INSC: variants seen among roughly 807,000 people sequenced by gnomAD.
INSC encodes the protein protein inscuteable homolog.
Under a neutral mutation model 58.6 loss-of-function variants are expected in INSC, and 67 were observed. The observed-to-expected ratio is 1.14, with a 90% CI of 0.94 to 1.40. The LOEUF (loss-of-function observed/expected upper bound fraction) is 1.40, where lower values mean the gene tolerates loss of function less well. Among genes scored for constraint, INSC ranks in the 40% most tolerant of loss-of-function variants. The pLI, the probability that INSC is intolerant of heterozygous loss-of-function variation, is 0.00. For missense variants in INSC, 714 were observed against 692.0 expected (o/e 1.03, Z -0.36); for synonymous variants, 262 against 276.1 (o/e 0.95, Z 0.51).
At chr11:15,179,810 C>T (rs1849698540) in intron 5 of INSC, among the ~76,000 whole-genome samples, 1 of 152,146 alleles carries the variant, frequency 6.6e-6, no homozygotes, top group African/African-American at 2.4e-5. Context: ...CCAAAATGGA[C>T]AAAAAAGTCG....
intron 5 of INSC, among the ~76,000 whole-genome samples, chr11:15,185,392 A>G (rs1849928464): frequency 6.6e-6 from 1 of 152,160 alleles, no homozygotes; most frequent in African/African-American, 2.4e-5. Context: ...AAAAAGCCTC[A>G]TTCATCTCAT....
At chr11:15,233,701 C>T (rs931568863) in intron 9 of INSC, among the ~76,000 whole-genome samples, 3 of 151,910 alleles carry the variant, frequency 2.0e-5, no homozygotes, top group Non-Finnish European at 4.4e-5. Flanking sequence ...TTTGTCCTTC[C>T]TTCCTTCCTT....
At chr11:15,241,488 T>C in intron 12 of INSC, 1 of 684,348 alleles carries the variant, frequency 1.5e-6, no homozygotes, top group African/African-American at 1.8e-5. Flanking sequence ...CTGTGTGACA[T>C]TTGATAAGTC....
intron 9 of INSC, among the ~76,000 whole-genome samples, chr11:15,232,173 A>G (rs768570792): frequency 1.3e-5 from 2 of 152,172 alleles, no homozygotes; most frequent in Non-Finnish European, 2.9e-5. Flanking sequence ...TCTGATGGGA[A>G]GGGTTGACTT....
intron 12 of INSC, chr11:15,241,571 TGG>T: frequency 1.4e-6 from 1 of 703,000 alleles, no homozygotes. Context: ...TTCTAGGCTA[TGG>T]GGATACAGCT....
At chr11:15,128,782 C>T (rs1297604508) in intron 1 of INSC, among the ~76,000 whole-genome samples, 1 of 152,186 alleles carries the variant, frequency 6.6e-6, no homozygotes, top group Non-Finnish European at 1.5e-5. Context: ...GCCCCTGCGC[C>T]CAGCTATGCA....
At chr11:15,264,813 G>A in the INSC span, among the ~76,000 whole-genome samples, 4 of 152,164 alleles carry the variant, frequency 2.6e-5, no homozygotes, top group African/African-American at 9.6e-5. Flanking sequence ...CTTTTGCCGT[G>A]TAATGTAACC....
At chr11:15,148,271 T>C (rs1454607438) in intron 1 of INSC, among the ~76,000 whole-genome samples, 1 of 152,184 alleles carries the variant, frequency 6.6e-6, no homozygotes, top group African/African-American at 2.4e-5. Context: ...TTTTCTTAGA[T>C]AATAGGAAGC....
At chr11:15,222,577 G>A (rs1027179973) in intron 8 of INSC, among the ~76,000 whole-genome samples, 1 of 152,090 alleles carries the variant, frequency 6.6e-6, no homozygotes, top group Non-Finnish European at 1.5e-5. Flanking sequence ...CCGGTACTGT[G>A]TGAGATCCCG....
chr11:15,255,016 T>A, the INSC span, among the ~76,000 whole-genome samples: 12 of 152,224 alleles, frequency 7.9e-5, no homozygotes, highest in African/African-American at 2.9e-4. Flanking sequence ...CAATTCCTGC[T>A]AAGTAGTTAT....
chr11:15,213,443 T>G (rs142041464), intron 7 of INSC, among the ~76,000 whole-genome samples: 1,609 of 152,258 alleles, frequency 0.011, 95 homozygotes, highest in Non-Finnish European at 2.6e-3. Context: ...ACAATTCAGA[T>G]CCCAGCTGTG....
chr11:15,215,205 G>T (rs995331400), intron 7 of INSC, among the ~76,000 whole-genome samples: 2 of 152,118 alleles, frequency 1.3e-5, no homozygotes, highest in Non-Finnish European at 2.9e-5. Context: ...TTCAGGCCCA[G>T]GCCCATTCCA....
intron 5 of INSC, among the ~76,000 whole-genome samples, chr11:15,187,274 T>C (rs1203516493): frequency 6.6e-6 from 1 of 151,912 alleles, no homozygotes; most frequent in Non-Finnish European, 1.5e-5. Context: ...AAATGCTTGC[T>C]TCTATTGGTC....
the INSC span, among the ~76,000 whole-genome samples, chr11:15,259,021 G>A: frequency 2.0e-5 from 3 of 152,118 alleles, no homozygotes; most frequent in Non-Finnish European, 4.4e-5. Context: ...TTGTGTAGCA[G>A]GAAAGAAAAT....
chr11:15,117,692 G>A (rs1847764787), intron 1 of INSC, among the ~76,000 whole-genome samples: 1 of 152,152 alleles, frequency 6.6e-6, no homozygotes, highest in Non-Finnish European at 1.5e-5. Context: ...GCATTCTATT[G>A]GTCTCTGGGG....
intron 1 of INSC, among the ~76,000 whole-genome samples, chr11:15,130,609 A>C (rs1239568787): frequency 1.3e-5 from 2 of 152,132 alleles, no homozygotes; most frequent in African/African-American, 2.4e-5. Context: ...CAATCACTTG[A>C]AGTGTGTTTT....
At chr11:15,113,879 C>T (rs1046798861), upstream of INSC, among the ~76,000 whole-genome samples, 8 of 152,090 alleles carry the variant, frequency 5.3e-5, no homozygotes, top group Admixed American at 2.6e-4. Context: ...GGGACCTCGG[C>T]GTGGTCGTTT....
intron 6 of INSC, among the ~76,000 whole-genome samples, chr11:15,194,488 ACT>A (rs1173820297): frequency 2.6e-4 from 39 of 152,220 alleles, no homozygotes; most frequent in African/African-American, 6.5e-4. Context: ...GCATGGCCAG[ACT>A]CTCAGAATCA....
chr11:15,200,940 G>T lies in INSC; in HGVS notation c.810G>T (p.Gln270His). The change falls in exon 7 of 13, where the codon CAG becomes CAT. Residue 270 changes from glutamine to histidine, a missense_variant. Physicochemically the swap from Gln to His is conservative, Grantham distance 24. Coordinates refer to ENST00000379556, the MANE Select transcript of INSC (RefSeq NM_001042536.3). ...GCTGCGTGGAAGAGGGTGTCCACCA[G>T]CTGGAGAAGGTAAGGACAGCTGGCT... ...SICCVEEGVH[Q>H]LEKVDGVLCL... 1 of 1,605,452 alleles carries T rather than the reference G, an allele frequency of 6.2e-7. No homozygotes were observed.
Sources: allele counts gnomAD v4.1 joint callset (sites outside exome capture counted in the v4.1 genomes callset), GRCh38; gene constraint gnomAD v4.1.1; transcripts MANE v1.5; gene names NCBI Gene and HGNC (gene_info 2026-07-23, HGNC 2026-07-21).